The following SPEF2 variants were observed in gnomAD, a reference collection of about 807,000 sequenced individuals.
SPEF2 encodes sperm flagellar and cilia associated 2, also known as sperm flagella and cilia-associated protein 2.
In SPEF2, 187 loss-of-function variants were observed where a neutral mutation model predicts 224.6. The ratio of observed to expected loss-of-function variants is 0.83; its 90% CI spans 0.74 to 0.94. The LOEUF is 0.94. SPEF2 is among the 40% of genes least tolerant of loss of function. SPEF2 has a pLI of 0.00. For missense variants in SPEF2, 2,170 were observed against 2,135.6 expected, an observed-to-expected ratio of 1.02 and a Z score of -0.32; for synonymous variants, 715 against 707.3, an observed-to-expected ratio of 1.01 and a Z score of -0.17.
At chr5:35,725,972 C>T (rs1206563589) in intron 20 of SPEF2, among the ~76,000 whole-genome samples, 1 of 152,158 alleles carries the variant, frequency 6.6e-6, no homozygotes, top group Non-Finnish European at 1.5e-5. Flanking sequence ...TCCAACTCTA[C>T]AAGTGAAAGC....
intron 6 of SPEF2, among the ~76,000 whole-genome samples, chr5:35,649,871 C>A (rs1223863011): frequency 2.0e-5 from 3 of 152,194 alleles, no homozygotes; most frequent in African/African-American, 7.2e-5. Flanking sequence ...CTAAGACAGT[C>A]ACTTTGGTGG....
Position 35,646,804 on chromosome 5 carries a change from A to C in SPEF2, c.723A>C (p.Ala241=), listed in dbSNP as rs1315164030. 6 of 1,613,636 alleles carry C rather than the reference A, an allele frequency of 3.7e-6. No individual in the cohort carries two copies. Among genetic ancestry groups the C allele is most frequent in the Non-Finnish European group, 5.1e-6 (6 of 1,179,834 alleles). Residue 241 remains alanine, a synonymous_variant, in exon 5 of 37, where the codon GCA becomes GCC. Transcript: ENST00000356031. ...AAATGATGAAAAAGAAAAAAGAGGC[A>C]GAAGTAAGTGATAATCCTTTAATAT... ...AQKMMKKKKE[A]EDVADEIKKF...
intron 20 of SPEF2, among the ~76,000 whole-genome samples, chr5:35,720,710 C>T (rs1458540818): frequency 6.6e-6 from 1 of 152,100 alleles, no homozygotes; most frequent in Non-Finnish European, 1.5e-5. Context: ...AGTTTTGGAA[C>T]ATATATTAGC....
At position 35,670,208 on chromosome 5, in the gene SPEF2, A is replaced by G. The variant is rs774787903; in HGVS notation, c.1505A>G (p.Asn502Ser). Residue 502 changes from asparagine to serine, a missense_variant, in exon 10 of 37, where the codon AAT (asparagine) becomes AGT (serine). Coordinates refer to ENST00000356031, the MANE Select transcript of SPEF2 (RefSeq NM_024867.4). ...GAGAAAAGGGACTTGCTAGATACCAATGATTATGAAGAATATAAGGTACCT... is the reference window on the plus strand; with the variant it reads ...GAGAAAAGGGACTTGCTAGATACCAGTGATTATGAAGAATATAAGGTACCT... ...ELEKRDLLDT[N>S]DYEEYKNMVG... 23 of 1,609,742 alleles carry G rather than the reference A, an allele frequency of 1.4e-5. No individual in the cohort carries two copies. Among genetic ancestry groups the G allele is most frequent in the South Asian group, 3.3e-5 (3 of 90,326 alleles).
In SPEF2 at chr5:35,659,080, G is replaced by A. The variant is rs748374856; in HGVS notation, c.1040G>A (p.Arg347Lys). 9.2e-5 allele frequency: 148 copies of A among 1,611,254 alleles called. 11 individuals carry two copies. The South Asian group carries it at 1.6e-3, about 17-fold the overall frequency. Residue 347 changes from arginine to lysine, a missense_variant, in exon 8 of 37, where the codon AGG (arginine) becomes AAG (lysine). Physicochemically the swap from Arg to Lys is conservative, Grantham distance 26. Coordinates refer to ENST00000356031, the MANE Select transcript of SPEF2 (RefSeq NM_024867.4). ...RLMRQSQQERRIAVQLMHVRH... is the reference protein window; with the variant it reads ...RLMRQSQQERKIAVQLMHVRH... ...ATGCGGCAGTCCCAGCAGGAGCGCA[G>A]GATTGCCGTGCAGCTCATGCATGTT...
intron 24 of SPEF2, among the ~76,000 whole-genome samples, chr5:35,754,255 T>TG (rs1750118937): frequency 6.6e-6 from 1 of 151,730 alleles, no homozygotes; most frequent in African/African-American, 2.4e-5. Flanking sequence ...CCTATTAAAT[T>TG]TAAAAAAATT....
intron 7 of SPEF2, among the ~76,000 whole-genome samples, chr5:35,655,781 G>T (rs1043301901): frequency 2.6e-5 from 4 of 152,166 alleles, no homozygotes; most frequent in Admixed American, 2.6e-4. Context: ...ATTATGATGA[G>T]CCTTGTAAGA....
At chr5:35,664,819 G>A (rs1420222203) in intron 8 of SPEF2, among the ~76,000 whole-genome samples, 1 of 68,138 alleles carries the variant, frequency 1.5e-5, no homozygotes, top group African/African-American at 6.3e-5. Flanking sequence ...AGAGGGAGAG[G>A]GAGAGAGGAA....
intron 21 of SPEF2, among the ~76,000 whole-genome samples, chr5:35,729,676 C>T (rs1038498748): frequency 6.6e-6 from 1 of 152,126 alleles, no homozygotes; most frequent in Non-Finnish European, 1.5e-5. Flanking sequence ...TATGGTTTTG[C>T]TGTGTCCCTA....
intron 4 of SPEF2, among the ~76,000 whole-genome samples, chr5:35,644,889 T>G (rs139154931): frequency 6.6e-6 from 1 of 152,236 alleles, no homozygotes; most frequent in African/African-American, 2.4e-5. Context: ...CTGAGGGAGA[T>G]AGATCAGACA....
chr5:35,644,501 G>A lies in SPEF2; in HGVS notation c.561G>A (p.Glu187=), dbSNP rs1251245848. 1 of 1,602,966 alleles carries A rather than the reference G, an allele frequency of 6.2e-7. No individual in the cohort carries two copies. The highest frequency in any genetic ancestry group is 1.1e-5 in the South Asian group (1 of 88,252). ...KLERFQKLKE[E]QRCFDIEKQY... is the part of the protein sequence containing the mutation. ...AAAGATTTCAAAAACTCAAGGAAGA[G>A]CAAAGATGTTTTGATATTGAAAAGG... The change falls in exon 4 of 37, where the codon GAG becomes GAA. Residue 187 remains glutamate, a synonymous_variant. Transcript: ENST00000356031.
intron 3 of SPEF2, chr5:35,643,497 G>A (rs1427570190): frequency 2.2e-6 from 1 of 455,930 alleles, no homozygotes; most frequent in Non-Finnish European, 4.4e-6. Flanking sequence ...CTTGTTTTAT[G>A]GACCTAGAGA....
chr5:35,795,376 C>A (rs1375316922), intron 32 of SPEF2, among the ~76,000 whole-genome samples: 15 of 152,214 alleles, frequency 9.9e-5, no homozygotes, highest in Admixed American at 5.2e-4. Context: ...AGGGTAGCAG[C>A]CTCCAAGCGT....
chr5:35,717,677 C>T (rs999452794), intron 20 of SPEF2, among the ~76,000 whole-genome samples: 1 of 152,062 alleles, frequency 6.6e-6, no homozygotes, highest in African/African-American at 2.4e-5. Flanking sequence ...TCCTGCCTGG[C>T]AGTTTGAATC....
chr5:35,810,865 T>A (rs556858635), intron 36 of SPEF2, among the ~76,000 whole-genome samples: 15 of 152,264 alleles, frequency 9.9e-5, no homozygotes, highest in Admixed American at 6.5e-4. Flanking sequence ...CTCTAAGATA[T>A]ACCTGAGTCA....
At chr5:35,730,161 G>GGGAGAGA (rs1410863314) in intron 21 of SPEF2, among the ~76,000 whole-genome samples, 8 of 152,176 alleles carry the variant, frequency 5.3e-5, no homozygotes, top group Non-Finnish European at 1.2e-4. Flanking sequence ...GACAAATGAT[G>GGGAGAGA]GGAGAGAGAT....
chr5:35,780,650 T>G (rs1754210678), intron 30 of SPEF2, among the ~76,000 whole-genome samples: 1 of 152,214 alleles, frequency 6.6e-6, no homozygotes, highest in Admixed American at 6.5e-5. Flanking sequence ...TATTATGTAC[T>G]TCCCTCTTCA....
intron 36 of SPEF2, among the ~76,000 whole-genome samples, chr5:35,809,356 C>T (rs1462493777): frequency 6.6e-6 from 1 of 152,104 alleles, no homozygotes; most frequent in Non-Finnish European, 1.5e-5. Flanking sequence ...TAAGTTAAAC[C>T]AACCAAGTGC....
rs754088924 is a variant in SPEF2, at chr5:35,667,087, G to A, written c.1183G>A (p.Ala395Thr). Residue 395 changes from alanine to threonine, a missense_variant, in exon 9 of 37, where the codon GCC (alanine) becomes ACC (threonine). By Grantham distance (58) the Ala-to-Thr change is moderately conservative (BLOSUM62 0). Transcript: ENST00000356031. ...GCCTTTTTAGGCTTTGGCAAAACAA[G>A]CCAAGATTGACTTTGAAGAACAATT... ...LDREAALAKQAKIDFEEQFLK... is the reference protein window; with the variant it reads ...LDREAALAKQTKIDFEEQFLK... The A allele has an allele frequency of 2.5e-6, 4 of 1,605,664 alleles. No individual in the cohort carries two copies. The highest frequency in any genetic ancestry group is 3.4e-6 in the Non-Finnish European group (4 of 1,177,696).
Sources: allele counts gnomAD v4.1 joint callset (sites outside exome capture counted in the v4.1 genomes callset), GRCh38; gene constraint gnomAD v4.1.1; transcripts MANE v1.5; gene names NCBI Gene and HGNC (gene_info 2026-07-23, HGNC 2026-07-21).